Variants in FAM107B observed in about 807,000 individuals in gnomAD.
FAM107B encodes the protein protein FAM107B.
In FAM107B, 21 loss-of-function variants were observed where a neutral mutation model predicts 31.5. The ratio of observed to expected loss-of-function variants is 0.67; its 90% CI spans 0.47 to 0.96. FAM107B has a LOEUF of 0.96. Ranked by LOEUF, FAM107B falls within the 40% of genes least tolerant of loss-of-function variation. FAM107B has a pLI of 0.00. For synonymous variants in FAM107B, 157 were observed against 141.5 expected, an observed-to-expected ratio of 1.11 and a Z score of -0.78; for missense variants, 452 against 377.1, an observed-to-expected ratio of 1.20 and a Z score of -1.64.
At chr10:14,578,967 T>C (rs1277484834) in intron 2 of FAM107B, among the ~76,000 whole-genome samples, 1 of 152,184 alleles carries the variant, frequency 6.6e-6, no homozygotes, top group Admixed American at 6.5e-5. Context: ...GACAGCCTTG[T>C]TCACACATTG....
intron 1 of FAM107B, among the ~76,000 whole-genome samples, chr10:14,740,350 G>A (rs1483983440): frequency 6.6e-6 from 1 of 152,194 alleles, no homozygotes; most frequent in Non-Finnish European, 1.5e-5. Flanking sequence ...TGAAAAGCCA[G>A]TCTGAAAAGG....
chr10:14,526,009 A>G (rs1846187714), intron 3 of FAM107B, among the ~76,000 whole-genome samples: 1 of 152,160 alleles, frequency 6.6e-6, no homozygotes, highest in Non-Finnish European at 1.5e-5. Flanking sequence ...CTGTGTACCT[A>G]TATATTAATA....
intron 2 of FAM107B, among the ~76,000 whole-genome samples, chr10:14,608,837 C>G (rs1386650481): frequency 9.2e-5 from 14 of 152,202 alleles, no homozygotes. Context: ...GGCTTGAGTG[C>G]TGTACTAGGA....
chr10:14,626,446 G>C (rs1233676029), intron 2 of FAM107B, among the ~76,000 whole-genome samples: 1 of 149,406 alleles, frequency 6.7e-6, no homozygotes, highest in African/African-American at 2.5e-5. Flanking sequence ...TGGGTTGTTA[G>C]TTATCACAGG....
At chr10:14,630,122 G>A (rs7919114) in intron 2 of FAM107B, among the ~76,000 whole-genome samples, 6,293 of 152,072 alleles carry the variant, frequency 0.041, 194 homozygotes, top group African/African-American at 0.088. Flanking sequence ...TCCATACTTA[G>A]ATCTCGGGGC....
chr10:14,554,175 C>G (rs1466755102), intron 2 of FAM107B: 1 of 985,338 alleles, frequency 1.0e-6, no homozygotes, highest in Non-Finnish European at 1.2e-6. Flanking sequence ...TTCTTTATCT[C>G]CTTTTCCTCT....
chr10:14,727,384 G>T (rs147101848), intron 1 of FAM107B, among the ~76,000 whole-genome samples: 1 of 152,138 alleles, frequency 6.6e-6, no homozygotes, highest in Non-Finnish European at 1.5e-5. Context: ...CCTGAGCCAC[G>T]TCTCTTAGAT....
intron 2 of FAM107B, among the ~76,000 whole-genome samples, chr10:14,553,074 A>G (rs1849402710): frequency 6.6e-6 from 1 of 152,218 alleles, no homozygotes; most frequent in African/African-American, 2.4e-5. Context: ...AAACATTTAA[A>G]CAGTTTTATT....
intron 2 of FAM107B, among the ~76,000 whole-genome samples, chr10:14,585,513 C>A (rs187395098): frequency 3.3e-5 from 5 of 152,322 alleles, no homozygotes; most frequent in Admixed American, 3.3e-4. Context: ...TACAGTCTCT[C>A]GAGCACTCCA....
intron 1 of FAM107B, among the ~76,000 whole-genome samples, chr10:14,765,882 T>C (rs546049115): frequency 6.6e-6 from 1 of 152,246 alleles, no homozygotes; most frequent in South Asian, 2.1e-4. Context: ...AATGGAAATA[T>C]AGCCCAGCAG....
At chr10:14,683,802 A>G (rs1036368869) in intron 1 of FAM107B, among the ~76,000 whole-genome samples, 4 of 152,214 alleles carry the variant, frequency 2.6e-5, no homozygotes, top group African/African-American at 7.2e-5. Context: ...CAATTTTTTA[A>G]GAAAAATGTT....
intron 1 of FAM107B, among the ~76,000 whole-genome samples, chr10:14,688,295 C>T (rs1476351079): frequency 2.0e-5 from 3 of 152,182 alleles, no homozygotes; most frequent in South Asian, 2.1e-4. Context: ...TTTTGGGACT[C>T]GGACTGGCTT....
Position 14,665,574 on chromosome 10 carries a change from T to C in FAM107B, c.469+2060A>G, listed in dbSNP as rs1024266827. Reference sequence around the variant, plus strand: ...GGCTGAATTTGCATTGATGCAGCAATGACCATCCTCCCAGCCTTCTTCTCT... The same window carrying C: ...GGCTGAATTTGCATTGATGCAGCAACGACCATCCTCCCAGCCTTCTTCTCT... On this transcript the variant is annotated intron_variant, in intron 2 of 4. Transcript: ENST00000181796. Among the ~76,000 whole-genome samples the C allele has an allele frequency of 9.9e-5, 15 of 152,220 alleles. No individual in the cohort carries two copies. In the East Asian group the frequency reaches 2.9e-3, roughly 29 times the overall value.
intron 2 of FAM107B, among the ~76,000 whole-genome samples, chr10:14,611,487 TATATATATATATATA>T (rs1852723881): frequency 5.2e-4 from 3 of 5,824 alleles, no homozygotes; most frequent in Non-Finnish European, 2.7e-3. Context: ...GCCAGTTTTA[TATATATATATATATA>T]TATATATATA....
At chr10:14,703,815 G>A (rs563958850) in intron 1 of FAM107B, among the ~76,000 whole-genome samples, 101 of 152,232 alleles carry the variant, frequency 6.6e-4, no homozygotes, top group Admixed American at 1.4e-3. Flanking sequence ...ATGCTGTCTC[G>A]ATTTTTTTAA....
chr10:14,773,040 T>C (rs577620776), intron 1 of FAM107B, among the ~76,000 whole-genome samples: 56 of 152,266 alleles, frequency 3.7e-4, no homozygotes, highest in Non-Finnish European at 6.9e-4. Context: ...AAAAATATCT[T>C]AATCTGGATG....
chr10:14,645,133 G>A lies in FAM107B; in HGVS notation c.469+22501C>T, dbSNP rs75115030. Among the ~76,000 whole-genome samples, 1,051 of 152,286 alleles carry A rather than the reference G, an allele frequency of 6.9e-3. 7 individuals carry two copies. The highest frequency in any genetic ancestry group is 0.01 in the Non-Finnish European group (707 of 68,030). On this transcript the variant is annotated intron_variant, in intron 2 of 4. Transcript: ENST00000181796. ...GTGGTAGGGAGAGGAAACTATGCCT[G>A]AGGAACCACTTAGTTACAACAGGGC...
chr10:14,521,977 C>T lies in FAM107B; in HGVS notation c.696G>A (p.Met232Ile). The change falls in exon 4 of 5, where the codon ATG (methionine) becomes ATA (isoleucine). Residue 232 changes from methionine to isoleucine, a missense_variant. By Grantham distance (10) the Met-to-Ile change is conservative (BLOSUM62 1). Coordinates refer to ENST00000181796, the MANE Select transcript of FAM107B (RefSeq NM_031453.4). Reference sequence around the variant, plus strand: ...TTACTTGGTCTCGTTTTCTTTTTTCCATCACCTTCTGCAATTCTGGTTTGT... The same window carrying T: ...TTACTTGGTCTCGTTTTCTTTTTTCTATCACCTTCTGCAATTCTGGTTTGT... ...PQNKPELQKV[M>I]EKRKRDQVIK... 1 of 1,613,968 alleles carries T rather than the reference C, an allele frequency of 6.2e-7. No individual in the cohort carries two copies. The highest frequency in any genetic ancestry group is 8.5e-7 in the Non-Finnish European group (1 of 1,180,010).
intron 1 of FAM107B, among the ~76,000 whole-genome samples, chr10:14,687,920 A>G (rs1445340557): frequency 6.6e-6 from 1 of 152,186 alleles, no homozygotes; most frequent in African/African-American, 2.4e-5. Context: ...CTGAGTATCA[A>G]CTTGATTGGA....
Sources: gnomAD v4.1 joint callset for allele counts (sites outside exome capture counted in the v4.1 genomes callset) on GRCh38, gnomAD v4.1.1 for gene constraint, MANE v1.5 for transcripts, NCBI Gene and HGNC (gene_info 2026-07-23, HGNC 2026-07-21) for gene names.